WDR35: variants seen among roughly 807,000 people sequenced by gnomAD.
The protein encoded by WDR35 is WD repeat domain 35.
Under a neutral mutation model 158.3 loss-of-function variants are expected in WDR35, and 118 were observed. The ratio of observed to expected loss-of-function variants is 0.75; its 90% CI spans 0.64 to 0.87. WDR35 has a LOEUF of 0.87. Ranked by LOEUF, WDR35 falls within the 40% of genes least tolerant of loss-of-function variation. The pLI, the probability that WDR35 is intolerant of heterozygous loss-of-function variation, is 0.00. For synonymous variants in WDR35, 448 were observed against 476.1 expected, an observed-to-expected ratio of 0.94 and a Z score of 0.77; for missense variants, 1,263 against 1,405.8, an observed-to-expected ratio of 0.90 and a Z score of 1.62.
rs1671332124 is a variant in WDR35, at chr2:19,953,908, T to C, written c.1326A>G (p.Gln442=). 2 of 1,614,154 alleles carry C rather than the reference T, an allele frequency of 1.2e-6. No individual in the cohort carries two copies. Among genetic ancestry groups the C allele is most frequent in the Admixed American group, 1.7e-5 (1 of 60,024 alleles). ...AASKEAFYTW[Q]YRVAKKLTAL... is the part of the protein sequence containing the mutation. ...CTGTGAGCTTCTTTGCCACACGATA[T>C]TGCCAGGTATAAAATGCTTCTTTCG... Residue 442 remains glutamine (Q), a synonymous_variant, in exon 12 of 27, where the codon CAA becomes CAG. Coordinates refer to ENST00000281405, the MANE Select transcript of WDR35 (RefSeq NM_020779.4).
intron 16 of WDR35, among the ~76,000 whole-genome samples, chr2:19,945,317 G>A (rs1230499033): frequency 6.6e-6 from 1 of 152,184 alleles, no homozygotes; most frequent in Admixed American, 6.6e-5. Context: ...ACACAGATTT[G>A]TGAACGATAT....
rs767882621 is a variant in WDR35, at chr2:19,912,796, C to T, written c.*762G>A. 3.9e-5 allele frequency: 6 copies of T among 152,150 alleles called. No individual in the cohort carries two copies. Among genetic ancestry groups the T allele is most frequent in the Non-Finnish European group, 8.8e-5 (6 of 68,020 alleles). The allele number at this position is 152,150 out of a possible 1,614,324, so 9.4% of individuals were successfully genotyped here. On this transcript the variant is annotated 3_prime_UTR_variant, in exon 27 of 27. Coordinates refer to ENST00000281405, the MANE Select transcript of WDR35 (RefSeq NM_020779.4). ...AGAAAAAATCACTCCCTCAACAATA[C>T]TTGTGTAAATAAACGGTCCAACTTA...
chr2:19,953,006 G>T (rs1027188264), intron 12 of WDR35, among the ~76,000 whole-genome samples: 1 of 151,958 alleles, frequency 6.6e-6, no homozygotes, highest in Non-Finnish European at 1.5e-5. Context: ...AAGATCTCAA[G>T]GATGTGAGGG....
At chr2:19,944,266 T>A (rs1254734189) in intron 16 of WDR35, among the ~76,000 whole-genome samples, 1 of 152,114 alleles carries the variant, frequency 6.6e-6, no homozygotes, top group Non-Finnish European at 1.5e-5. Context: ...TCGAACTACA[T>A]GCCAAACCAG....
intron 8 of WDR35, among the ~76,000 whole-genome samples, chr2:19,971,613 C>T (rs919575677): frequency 5.3e-5 from 8 of 152,150 alleles, no homozygotes; most frequent in Admixed American, 1.3e-4. Context: ...ATGTATTGAG[C>T]TCCATTTTCC....
At chr2:19,947,149 A>G (rs183481856) in intron 14 of WDR35, among the ~76,000 whole-genome samples, 98 of 152,366 alleles carry the variant, frequency 6.4e-4, no homozygotes, top group African/African-American at 2.1e-3. Flanking sequence ...GCAAATCTTA[A>G]GGTTGACATA....
intron 17 of WDR35, 92 bp downstream of exon 17, chr2:19,941,667 G>A (rs2103410423): frequency 1.1e-6 from 1 of 927,412 alleles, no homozygotes; most frequent in Non-Finnish European, 1.7e-6. Flanking sequence ...CTGACTCCTG[G>A]GTCCACACTG....
chr2:19,912,568 GC>G lies in WDR35; in HGVS notation c.*989del, dbSNP rs1206156986. 1 of 152,140 alleles carries G rather than the reference GC, an allele frequency of 6.6e-6. No individual in the cohort carries two copies. The highest frequency in any genetic ancestry group is 2.4e-5 in the African/African-American group (1 of 41,424). 9.4% of individuals were successfully genotyped at this position (152,140 alleles called of 1,614,324 possible). A position where few individuals can be genotyped will look rare whatever the true frequency, so the allele number is the denominator to read the frequency against. On this transcript the variant is annotated 3_prime_UTR_variant, in exon 27 of 27. Transcript: ENST00000281405. Reference sequence around the variant, plus strand: ...ACAAAGTTGCGTATCTCTATGTATTGCCTCTACTATATGTAAGCCAAACCTC... The same window carrying G: ...ACAAAGTTGCGTATCTCTATGTATTGCTCTACTATATGTAAGCCAAACCTC...
intron 20 of WDR35, among the ~76,000 whole-genome samples, chr2:19,935,905 A>G (rs909057948): frequency 2.0e-5 from 3 of 152,344 alleles, no homozygotes; most frequent in South Asian, 2.1e-4. Context: ...AATATATAAT[A>G]AAGCAAATAA....
At chr2:19,922,524 A>C (rs184909033) in intron 25 of WDR35, among the ~76,000 whole-genome samples, 1 of 150,000 alleles carries the variant, frequency 6.7e-6, no homozygotes, top group East Asian at 2.0e-4. Context: ...AACAATGAGA[A>C]CACATGGACA....
chr2:19,977,141 C>T (rs777550395), intron 5 of WDR35, among the ~76,000 whole-genome samples: 1 of 152,170 alleles, frequency 6.6e-6, no homozygotes, highest in African/African-American at 2.4e-5. Flanking sequence ...CTAAATGTTG[C>T]TGATTCTTAA....
At chr2:19,929,354 T>G (rs150458549) in intron 25 of WDR35, among the ~76,000 whole-genome samples, 476 of 152,348 alleles carry the variant, frequency 3.1e-3, no homozygotes, top group African/African-American at 0.011. Flanking sequence ...GAATACAGAT[T>G]CATGATGTAT....
intron 10 of WDR35, among the ~76,000 whole-genome samples, chr2:19,964,757 A>T (rs1671793773): frequency 6.6e-6 from 1 of 151,862 alleles, no homozygotes; most frequent in South Asian, 2.1e-4. Context: ...CTTTTGCTTC[A>T]CTTTACAAGT....
At chr2:19,988,947 T>C (rs542075261) in intron 2 of WDR35, among the ~76,000 whole-genome samples, 6 of 152,356 alleles carry the variant, frequency 3.9e-5, no homozygotes, top group African/African-American at 1.4e-4. Context: ...TTATTTTTCA[T>C]TTTCCATTAA....
At chr2:19,923,062 T>G (rs1670228530) in intron 25 of WDR35, among the ~76,000 whole-genome samples, 2 of 152,234 alleles carry the variant, frequency 1.3e-5, no homozygotes, top group Admixed American at 1.3e-4. Flanking sequence ...TTTTAGTTAA[T>G]CAAATATCTA....
At position 19,935,465 on chromosome 2, in the gene WDR35, A is replaced by T. The variant is rs1572327601; in HGVS notation, c.2547+6T>A. ...AATTCCAAAAACTAAAATTTGCAAT[A>T]CCTACTGGAAGTAACTTGTGGTTTT... is the stretch of plus-strand genomic sequence containing the variant. On this transcript the variant is annotated splice_donor_region_variant and intron_variant, in intron 21 of 26. Coordinates refer to ENST00000281405, the MANE Select transcript of WDR35 (RefSeq NM_020779.4). The T allele has an allele frequency of 6.2e-7, 1 of 1,612,660 alleles. No homozygotes were observed. The highest frequency in any genetic ancestry group is 2.2e-5 in the East Asian group (1 of 44,752).
At position 19,932,336 on chromosome 2, in the gene WDR35, C is replaced by A; in HGVS notation, c.2770G>T (p.Glu924Ter). 2.5e-6 allele frequency: 4 copies of A among 1,613,290 alleles called. No homozygotes were observed. The highest frequency in any genetic ancestry group is 3.4e-6 in the Non-Finnish European group (4 of 1,179,538). The change falls in exon 23 of 27, where the codon GAA becomes TAA. Residue 924 changes from glutamate to a stop codon, truncating the protein, a stop_gained. Coordinates refer to ENST00000281405, the MANE Select transcript of WDR35 (RefSeq NM_020779.4). LOFTEE classifies it high-confidence loss of function. ...AAGTAATTGGCTTTCCGATAGAGTT[C>A]TATGGCATCAAGAGTTTTATTCTTT... The part of the protein sequence containing the change: ...LEKNKTLDAI[E>*]LYRKANYFFD...
chr2:19,915,790 G>T (rs577847128), intron 25 of WDR35, among the ~76,000 whole-genome samples: 1 of 152,042 alleles, frequency 6.6e-6, no homozygotes, highest in South Asian at 2.1e-4. Flanking sequence ...TTCTAAAATA[G>T]ATGTTTCTGA....
chr2:19,974,414 GAA>G (rs1225193998), intron 7 of WDR35, 52 bp downstream of exon 7: 192 of 1,130,454 alleles, frequency 1.7e-4, no homozygotes, highest in African/African-American at 6.4e-4. Context: ...ATCTCAAAAA[GAA>G]AAAAAAAAAA....
Sources: allele counts gnomAD v4.1 joint callset (sites outside exome capture counted in the v4.1 genomes callset), GRCh38; gene constraint gnomAD v4.1.1; transcripts MANE v1.5; gene names NCBI Gene and HGNC (gene_info 2026-07-23, HGNC 2026-07-21).